ASXL3: variants seen among roughly 807,000 people sequenced by gnomAD.
ASXL3 encodes the protein putative Polycomb group protein ASXL3.
ASXL3 carries 34 observed loss-of-function variants against 170.6 expected under a neutral mutation model. The ratio of observed to expected loss-of-function variants is 0.20; its 90% confidence interval spans 0.15 to 0.27. ASXL3 has a LOEUF of 0.27. Ranked by LOEUF, ASXL3 falls within the 10% of genes least tolerant of loss-of-function variation. The probability of loss-of-function intolerance (pLI) is 1.00; values close to 1 mark genes in which losing one functional copy is unlikely to be tolerated. For synonymous variants in ASXL3, 1,002 were observed against 989.1 expected, an observed-to-expected ratio of 1.01 and a Z score of -0.24; for missense variants, 2,592 against 2,695.3, an observed-to-expected ratio of 0.96 and a Z score of 0.85.
In ASXL3 at chr18:33,749,528, C is replaced by T. The variant is rs974983767; in HGVS notation, c.*2933C>T. ...AAGAAAACTGCTATTCCCTAATCCT[C>T]CTCCTATAAGATATGCATATGCCTG... On this transcript the variant is annotated 3_prime_UTR_variant, in exon 12 of 12. Transcript: ENST00000269197. The T allele has an allele frequency of 1.3e-5, 2 of 151,868 alleles. No homozygotes were observed. Among genetic ancestry groups the T allele is most frequent in the Admixed American group, 6.6e-5 (1 of 15,240 alleles). The allele number at this position is 151,868 out of a possible 1,614,324, so 9.4% of individuals were successfully genotyped here.
chr18:33,640,902 T>TA (rs1394440530), intron 2 of ASXL3, among the ~76,000 whole-genome samples: 4 of 152,016 alleles, frequency 2.6e-5, no homozygotes, highest in Non-Finnish European at 4.4e-5. Flanking sequence ...TTTCTATATT[T>TA]AAAAAATGAG....
At chr18:33,686,197 G>A (rs975175797) in intron 8 of ASXL3, among the ~76,000 whole-genome samples, 4 of 152,134 alleles carry the variant, frequency 2.6e-5, no homozygotes. Flanking sequence ...TTTTTATTCA[G>A]AAATATTTAC....
At chr18:33,624,448 T>C (rs1319358103) in intron 2 of ASXL3, among the ~76,000 whole-genome samples, 1 of 152,136 alleles carries the variant, frequency 6.6e-6, no homozygotes, top group Admixed American at 6.6e-5. Flanking sequence ...TTGTTGTTGT[T>C]GTATTTTGGT....
chr18:33,650,155 A>G (rs2065975060), intron 4 of ASXL3, among the ~76,000 whole-genome samples: 1 of 152,148 alleles, frequency 6.6e-6, no homozygotes, highest in South Asian at 2.1e-4. Context: ...GAAACAGACA[A>G]TTATAGTAGA....
chr18:33,739,080 A>G lies in ASXL3; in HGVS notation c.1676A>G (p.Lys559Arg). ...ACTCATGTCAGTGACACAGAACATA[A>G]GGAGTCAGAAACTGCAGTAGAGACC... The part of the protein sequence containing the change: ...SMTHVSDTEH[K>R]ESETAVETST... The change falls in exon 11 of 12, where the codon AAG becomes AGG. Residue 559 changes from lysine (K) to arginine (R), a missense_variant. Transcript: ENST00000269197. 6.2e-7 allele frequency: 1 copy of G among 1,613,278 alleles called. No individual in the cohort carries two copies.
Position 33,713,229 on chromosome 18 carries a change from G to GTTTTTTTTTTTTTTTTTTTT in ASXL3, c.880-18731_880-18730insTTTTTTTTTTTTTTTTTTTT, listed in dbSNP as rs1478922106. Among the ~76,000 whole-genome samples, 13 of 81,764 alleles carry GTTTTTTTTTTTTTTTTTTTT rather than the reference G, an allele frequency of 1.6e-4. 4 individuals are homozygous for GTTTTTTTTTTTTTTTTTTTT. The highest frequency in any genetic ancestry group is 4.6e-4 in the South Asian group (1 of 2,170). 53.6% of individuals were successfully genotyped at this position (81,764 alleles called of 152,430 possible). On this transcript the variant is annotated intron_variant, in intron 8 of 11. Coordinates refer to ENST00000269197, the MANE Select transcript of ASXL3 (RefSeq NM_030632.3). Reference sequence around the variant, plus strand: ...GCAGTTAGCAATCTACCACAAGAAGGTTTTTTTTGTTTTGTTTTGTTTTTT... The same window carrying GTTTTTTTTTTTTTTTTTTTT: ...GCAGTTAGCAATCTACCACAAGAAGGTTTTTTTTTTTTTTTTTTTTTTTTTTTTGTTTTGTTTTGTTTTTT...
chr18:33,665,877 G>A (rs2064730452), intron 5 of ASXL3, among the ~76,000 whole-genome samples: 1 of 152,104 alleles, frequency 6.6e-6, no homozygotes, highest in South Asian at 2.1e-4. Context: ...TGATGTGAGT[G>A]TGATATGATC....
At chr18:33,672,808 A>G (rs529755605) in intron 7 of ASXL3, among the ~76,000 whole-genome samples, 5 of 152,266 alleles carry the variant, frequency 3.3e-5, no homozygotes, top group African/African-American at 1.2e-4. Context: ...AAGTTTTGTC[A>G]GTTGCTACTA....
intron 1 of ASXL3, among the ~76,000 whole-genome samples, chr18:33,604,956 T>C (rs1229335733): frequency 1.3e-5 from 2 of 151,902 alleles, no homozygotes; most frequent in Non-Finnish European, 2.9e-5. Flanking sequence ...CGAGATGAAT[T>C]AAAAAATAAG....
chr18:33,628,764 A>G (rs943658947), intron 2 of ASXL3, among the ~76,000 whole-genome samples: 7 of 152,138 alleles, frequency 4.6e-5, no homozygotes, highest in East Asian at 1.9e-4. Context: ...TCTATGTGGA[A>G]CGTTGGCTTA....
intron 2 of ASXL3, among the ~76,000 whole-genome samples, chr18:33,624,310 A>G (rs1039875380): frequency 6.7e-6 from 1 of 148,912 alleles, no homozygotes; most frequent in African/African-American, 2.5e-5. Flanking sequence ...TTTTTTTTTT[A>G]CTGTGAAGTT....
intron 8 of ASXL3, among the ~76,000 whole-genome samples, chr18:33,719,020 C>T (rs1191216024): frequency 6.6e-6 from 1 of 152,028 alleles, no homozygotes; most frequent in Non-Finnish European, 1.5e-5. Flanking sequence ...ATTTAATCCT[C>T]ACAAAAAACT....
intron 1 of ASXL3, among the ~76,000 whole-genome samples, chr18:33,587,418 G>A (rs879501219): frequency 6.6e-6 from 1 of 151,790 alleles, no homozygotes; most frequent in African/African-American, 2.4e-5. Flanking sequence ...CTTATATCAC[G>A]CTCCCTCTTT....
chr18:33,716,045 A>C (rs1423105017), intron 8 of ASXL3, among the ~76,000 whole-genome samples: 1 of 152,206 alleles, frequency 6.6e-6, no homozygotes, highest in African/African-American at 2.4e-5. Flanking sequence ...ATTTTGTTAA[A>C]AGGGCAAAGA....
intron 7 of ASXL3, 66 bp from the exon 8 acceptor site, chr18:33,683,339 T>G (rs1308760231): frequency 2.2e-6 from 3 of 1,353,720 alleles, no homozygotes; most frequent in Non-Finnish European, 2.0e-6. Context: ...GCTGTGTTTG[T>G]GTGTACGTAC....
intron 2 of ASXL3, among the ~76,000 whole-genome samples, chr18:33,640,358 A>T (rs183255181): frequency 6.6e-6 from 1 of 152,024 alleles, no homozygotes; most frequent in African/African-American, 2.4e-5. Context: ...CTTATTGACA[A>T]TAATATCTCC....
chr18:33,667,613 C>T (rs1014430669), intron 5 of ASXL3, among the ~76,000 whole-genome samples: 2 of 152,078 alleles, frequency 1.3e-5, no homozygotes, highest in East Asian at 1.9e-4. Flanking sequence ...ACAATTTTCA[C>T]GCAACCACTT....
intron 2 of ASXL3, chr18:33,626,032 T>TA (rs2065596446): frequency 6.6e-6 from 1 of 152,086 alleles, no homozygotes; most frequent in Non-Finnish European, 1.5e-5. Context: ...TTGTCACTAT[T>TA]ATGGTAGTTT....
At chr18:33,706,935 C>T (rs2066969924) in intron 8 of ASXL3, among the ~76,000 whole-genome samples, 1 of 151,840 alleles carries the variant, frequency 6.6e-6, no homozygotes, top group African/African-American at 2.4e-5. Flanking sequence ...CTGAGTATGA[C>T]ATGAGATAGA....
Sources: gnomAD v4.1 joint callset for allele counts (sites outside exome capture counted in the v4.1 genomes callset) on GRCh38, gnomAD v4.1.1 for gene constraint, MANE v1.5 for transcripts, NCBI Gene and HGNC (gene_info 2026-07-23, HGNC 2026-07-21) for gene names.